The following KLK12 variants were observed in gnomAD, a reference collection of about 807,000 sequenced individuals.
KLK12 encodes kallikrein-12.
A neutral mutation model predicts 20.0 loss-of-function variants in KLK12; 23 were observed. The ratio of observed to expected loss-of-function variants is 1.15; its 90% CI spans 0.83 to 1.63. The LOEUF (loss-of-function observed/expected upper bound fraction) is 1.63, where lower values mean the gene tolerates loss of function less well. Ranked by LOEUF, KLK12 falls within the 40% of genes most tolerant of loss-of-function variation. The pLI, the probability that KLK12 is intolerant of heterozygous loss-of-function variation, is 0.00. For synonymous variants in KLK12, 147 were observed against 141.9 expected (o/e 1.04, Z -0.25); for missense variants, 351 against 338.6 (o/e 1.04, Z -0.29).
At chr19:51,032,240 C>T (rs2091567299) in intron 3 of KLK12, 105 bp from the exon 4 acceptor site, 1 of 1,307,574 alleles carries the variant, frequency 7.6e-7, no homozygotes, top group Non-Finnish European at 1.1e-6. Context: ...TTCTGCCCCT[C>T]ACTGTCTGTC....
chr19:51,029,898 G>C (rs2091537657), intron 5 of KLK12, among the ~76,000 whole-genome samples: 1 of 152,100 alleles, frequency 6.6e-6, no homozygotes, highest in Non-Finnish European at 1.5e-5. Flanking sequence ...ATAAAGGATA[G>C]AGGTTCTCTC....
intron 5 of KLK12, among the ~76,000 whole-genome samples, chr19:51,030,445 G>A (rs1015457714): frequency 2.6e-5 from 4 of 151,688 alleles, no homozygotes; most frequent in Admixed American, 1.3e-4. Context: ...CGCCTCCCGG[G>A]ATCAAGCGAT....
intron 3 of KLK12, chr19:51,033,737 C>T: frequency 1.7e-6 from 1 of 587,810 alleles, no homozygotes; most frequent in Non-Finnish European, 3.1e-6. Flanking sequence ...AGGGTACATG[C>T]AGGAATGGGA....
Position 51,029,382 on chromosome 19 carries a change from C to T in KLK12, c.667G>A (p.Gly223Arg). 6.2e-7 allele frequency: 1 copy of T among 1,613,560 alleles called. No homozygotes were observed. The highest frequency in any genetic ancestry group is 8.5e-7 in the Non-Finnish European group (1 of 1,179,728). The change falls in exon 6 of 6, where the codon GGA becomes AGA. Residue 223 changes from glycine (G) to arginine (R), a missense_variant. Physicochemically the swap from Gly to Arg is moderately radical, Grantham distance 125. Transcript: ENST00000684732. ...TAGACTCCAGGGATGCCATCTTGTCCACAGGGCCCCACAGACCCCCAGGAC... is the reference window on the plus strand; with the variant it reads ...TAGACTCCAGGGATGCCATCTTGTCTACAGGGCCCCACAGACCCCCAGGAC... ...LVSWGSVGPC[G>R]QDGIPGVYTY...
chr19:51,030,687 C>G, intron 5 of KLK12, 101 bp downstream of exon 5: 1 of 1,503,646 alleles, frequency 6.7e-7, no homozygotes, highest in Non-Finnish European at 9.2e-7. Flanking sequence ...CTGCAGCATC[C>G]CCTTTCCCTG....
Position 51,031,934 on chromosome 19 carries a change from A to C in KLK12, c.399T>G (p.Cys133Trp). ...CGTGGCACTCGGTGCCAGCGGTTGCACAGTCATTGGGCAGGGGCAGGGGTT... is the reference window on the plus strand; with the variant it reads ...CGTGGCACTCGGTGCCAGCGGTTGCCCAGTCATTGGGCAGGGGCAGGGGTT... The part of the protein sequence containing the change: ...SVQPLPLPND[C>W]ATAGTECHVS... The change falls in exon 4 of 6, where the codon TGT (cysteine) becomes TGG (tryptophan). Residue 133 changes from cysteine (C) to tryptophan (W), a missense_variant. Coordinates refer to ENST00000684732, the MANE Select transcript of KLK12 (RefSeq NM_001370125.1). 6.2e-7 allele frequency: 1 copy of C among 1,613,420 alleles called. No homozygotes were observed. The highest frequency in any genetic ancestry group is 8.5e-7 in the Non-Finnish European group (1 of 1,179,676).
rs1480173105 is a variant in KLK12 at position 51,034,813 on chromosome 19, C to T, written c.-27G>A. 1.2e-5 allele frequency: 18 copies of T among 1,462,944 alleles called. No individual in the cohort carries two copies. The highest frequency in any genetic ancestry group is 1.5e-5 in the Non-Finnish European group (17 of 1,108,010). The allele number at this position is 1,462,944 out of a possible 1,614,324, so 90.6% of individuals were successfully genotyped here. A position where few individuals can be genotyped will look rare whatever the true frequency, so the allele number is the denominator to read the frequency against. Reference sequence around the variant, plus strand: ...CGCCTACCTCCTTCTCACCTTGTCTCTTTGTCTGCCAGATCCTCTACGTGG... The same window carrying T: ...CGCCTACCTCCTTCTCACCTTGTCTTTTTGTCTGCCAGATCCTCTACGTGG... On this transcript the variant is annotated 5_prime_UTR_variant, in exon 1 of 6. Coordinates refer to ENST00000684732, the MANE Select transcript of KLK12 (RefSeq NM_001370125.1).
chr19:51,031,935 C>T lies in KLK12; in HGVS notation c.398G>A (p.Cys133Tyr). The T allele has an allele frequency of 6.2e-7, 1 of 1,613,458 alleles. No individual in the cohort carries two copies. The highest frequency in any genetic ancestry group is 1.7e-5 in the Admixed American group (1 of 60,000). ...GTGGCACTCGGTGCCAGCGGTTGCA[C>T]AGTCATTGGGCAGGGGCAGGGGTTG... ...SVQPLPLPND[C>Y]ATAGTECHVS... The change falls in exon 4 of 6, where the codon TGT (cysteine) becomes TAT (tyrosine). Residue 133 changes from cysteine to tyrosine, a missense_variant. Physicochemically the swap from Cys to Tyr is radical, Grantham distance 194 (BLOSUM62 -2). Transcript: ENST00000684732.
chr19:51,030,699 T>G (rs2091547219), intron 5 of KLK12, 89 bp downstream of exon 5: 5 of 1,554,796 alleles, frequency 3.2e-6, no homozygotes, highest in Non-Finnish European at 2.6e-6. Context: ...CTTTCCCTGA[T>G]TCATCCTCCA....
chr19:51,031,595 C>CATATATATATATATAT lies in KLK12; in HGVS notation c.457+265_457+280dup, dbSNP rs1555789322. 3.7e-4 allele frequency among the ~76,000 whole-genome samples: 45 copies of CATATATATATATATAT among 120,454 alleles called. 4 individuals are homozygous for CATATATATATATATAT. Among genetic ancestry groups the CATATATATATATATAT allele is most frequent in the African/African-American group, 5.5e-4 (19 of 34,310 alleles). The allele number at this position is 120,454 out of a possible 152,430, so 79.0% of individuals were successfully genotyped here. Reference sequence around the variant, plus strand: ...CCACAATGCCCATATCCTATACATACATATATATATATATATGCCTTTTGC... The same window carrying CATATATATATATATAT: ...CCACAATGCCCATATCCTATACATACATATATATATATATATATATATATATATATATGCCTTTTGC... On this transcript the variant is annotated intron_variant, in intron 4 of 5. Transcript: ENST00000684732.
At chr19:51,030,435 C>T (rs1419461584) in intron 5 of KLK12, among the ~76,000 whole-genome samples, 3 of 151,560 alleles carry the variant, frequency 2.0e-5, no homozygotes, top group African/African-American at 7.3e-5. Flanking sequence ...CTGCAACCTC[C>T]GCCTCCCGGG....
chr19:51,029,367 G>T lies in KLK12; in HGVS notation c.682C>A (p.Pro228Thr), dbSNP rs1265174571. ...TTGCAAATATAGGTGTAGACTCCAG[G>T]GATGCCATCTTGTCCACAGGGCCCC... ...SVGPCGQDGI[P>T]GVYTYICKYV... Residue 228 changes from proline to threonine, a missense_variant, in exon 6 of 6, where the codon CCT becomes ACT. Physicochemically the swap from Pro to Thr is conservative, Grantham distance 38. Transcript: ENST00000684732. 3 of 1,613,346 alleles carry T rather than the reference G, an allele frequency of 1.9e-6. No homozygotes were observed. In the South Asian group the frequency reaches 3.3e-5, roughly 18 times the overall value.
Position 51,034,084 on chromosome 19 carries a change from G to C in KLK12, c.93C>G (p.Asn31Lys). The C allele has an allele frequency of 6.4e-7, 1 of 1,569,870 alleles. No individual in the cohort carries two copies. Among genetic ancestry groups the C allele is most frequent in the Non-Finnish European group, 8.6e-7 (1 of 1,156,794 alleles). The change falls in exon 3 of 6, where the codon AAC becomes AAG. Residue 31 changes from asparagine to lysine, a missense_variant. Transcript: ENST00000684732. The part of the protein sequence containing the change: ...KIFNGTECGR[N>K]SQPWQVGLFE... ...ACAGCCCCACCTGCCACGGCTGTGA[G>C]TTACGCCCACACTCAGTGCCATTGA...
At chr19:51,030,767 A>T in intron 5 of KLK12, 21 bp downstream of exon 5, 1 of 1,612,234 alleles carries the variant, frequency 6.2e-7, no homozygotes, top group East Asian at 2.2e-5. Flanking sequence ...GTGACCACGC[A>T]CGCTGCCTGC....
rs747009734 is a variant in KLK12, at chr19:51,031,996, G to T, written c.337C>A (p.Arg113=). ...GTTACGCGGACGGGCAGGCGCAGCC[G>T]CAGCAGCCGGAGGTCGTGCTCGTGG... ...TSHEHDLRLL[R]LRLPVRVTSS... Residue 113 remains arginine (R), a synonymous_variant, in exon 4 of 6, where the codon CGG becomes AGG. Coordinates refer to ENST00000684732, the MANE Select transcript of KLK12 (RefSeq NM_001370125.1). The T allele has an allele frequency of 6.2e-7, 1 of 1,612,710 alleles. No individual in the cohort carries two copies.
In KLK12 at chr19:51,034,027, G is replaced by T; in HGVS notation, c.150C>A (p.Val50=). ...TGAGGACCCACCTGTGGTCAATAAG[G>T]ACACCCCCGCAGCGCAGGCTGGTGC... ...FEGTSLRCGG[V]LIDHRWVLTA... The change falls in exon 3 of 6, where the codon GTC becomes GTA. Residue 50 remains valine (V), a synonymous_variant. Transcript: ENST00000684732. 1 of 1,608,532 alleles carries T rather than the reference G, an allele frequency of 6.2e-7. No homozygotes were observed. Among genetic ancestry groups the T allele is most frequent in the Non-Finnish European group, 8.5e-7 (1 of 1,177,734 alleles).
intron 4 of KLK12, among the ~76,000 whole-genome samples, chr19:51,031,360 A>C (rs1234712096): frequency 1.3e-5 from 2 of 151,640 alleles, no homozygotes; most frequent in African/African-American, 4.8e-5. Flanking sequence ...ACTGCTTCCA[A>C]CGCCAGTGTC....
intron 3 of KLK12, among the ~76,000 whole-genome samples, chr19:51,033,485 G>A (rs1470746802): frequency 2.0e-5 from 3 of 152,056 alleles, no homozygotes; most frequent in Non-Finnish European, 2.9e-5. Flanking sequence ...GCATGGTGGC[G>A]GGTGCCTGTA....
rs1342322691 is a variant in KLK12, at chr19:51,031,941, T to C, written c.392A>G (p.Asn131Ser). 1.9e-6 allele frequency: 3 copies of C among 1,613,374 alleles called. No homozygotes were observed. Among genetic ancestry groups the C allele is most frequent in the Admixed American group, 3.3e-5 (2 of 59,992 alleles). ...CTCGGTGCCAGCGGTTGCACAGTCATTGGGCAGGGGCAGGGGTTGAACGCT... is the reference window on the plus strand; with the variant it reads ...CTCGGTGCCAGCGGTTGCACAGTCACTGGGCAGGGGCAGGGGTTGAACGCT... Reference protein sequence around the residue: ...TSSVQPLPLPNDCATAGTECH... With the variant: ...TSSVQPLPLPSDCATAGTECH... Residue 131 changes from asparagine to serine, a missense_variant, in exon 4 of 6, where the codon AAT becomes AGT. By Grantham distance (46) the Asn-to-Ser change is conservative (BLOSUM62 1). Transcript: ENST00000684732.
Sources: gnomAD v4.1 joint callset for allele counts (sites outside exome capture counted in the v4.1 genomes callset) on GRCh38, gnomAD v4.1.1 for gene constraint, MANE v1.5 for transcripts, NCBI Gene and HGNC (gene_info 2026-07-23, HGNC 2026-07-21) for gene names.